DARS2: variants seen among roughly 807,000 people sequenced by gnomAD.
The protein encoded by DARS2 is aspartate--tRNA ligase, mitochondrial.
A neutral mutation model predicts 83.0 loss-of-function variants in DARS2; 63 were observed. The ratio of observed to expected loss-of-function variants is 0.76; its 90% CI spans 0.62 to 0.94. The LOEUF (loss-of-function observed/expected upper bound fraction) is 0.94, where lower values mean the gene tolerates loss of function less well. DARS2 is among the 40% of genes least tolerant of loss of function. The pLI, the probability that DARS2 is intolerant of heterozygous loss-of-function variation, is 0.00. For synonymous variants in DARS2, 250 were observed against 269.3 expected, an observed-to-expected ratio of 0.93 and a Z score of 0.70; for missense variants, 675 against 774.4, an observed-to-expected ratio of 0.87 and a Z score of 1.52.
intron 11 of DARS2, among the ~76,000 whole-genome samples, chr1:173,841,597 A>G (rs1417893414): frequency 6.6e-6 from 1 of 151,556 alleles, no homozygotes; most frequent in Non-Finnish European, 1.5e-5. Flanking sequence ...AGAATTGCTT[A>G]AGCTCAGGAG....
chr1:173,838,061 C>G, intron 8 of DARS2, 129 bp from the exon 9 acceptor site: 1 of 765,850 alleles, frequency 1.3e-6, no homozygotes, highest in Non-Finnish European at 2.2e-6. Flanking sequence ...GTATGAGCCG[C>G]CATGCCCGGC....
At chr1:173,854,474 T>C (rs1241824285) in intron 15 of DARS2, among the ~76,000 whole-genome samples, 1 of 152,226 alleles carries the variant, frequency 6.6e-6, no homozygotes, top group East Asian at 1.9e-4. Context: ...TACTAATTAA[T>C]AGTGCATATT....
intron 11 of DARS2, among the ~76,000 whole-genome samples, chr1:173,841,715 C>T (rs1447259263): frequency 2.0e-5 from 3 of 152,162 alleles, no homozygotes; most frequent in African/African-American, 7.2e-5. Context: ...CCAAGGATCA[C>T]TTGAGGCAAA....
In DARS2 at chr1:173,833,382, G is replaced by A; in HGVS notation, c.499G>A (p.Glu167Lys). 1 of 1,601,752 alleles carries A rather than the reference G, an allele frequency of 6.2e-7. No homozygotes were observed. The highest frequency in any genetic ancestry group is 8.5e-7 in the Non-Finnish European group (1 of 1,174,114). Reference protein sequence around the residue: ...FEIKNFVKKTEALRLQYRYLD... With the variant: ...FEIKNFVKKTKALRLQYRYLD... Reference sequence around the variant, plus strand: ...AATCTTTCAATTTCTTTAGAAAACAGAGGCTCTTCGGTTGCAGTATCGCTA... The same window carrying A: ...AATCTTTCAATTTCTTTAGAAAACAAAGGCTCTTCGGTTGCAGTATCGCTA... The change falls in exon 6 of 17, where the codon GAG becomes AAG. Residue 167 changes from glutamate to lysine, a missense_variant. Transcript: ENST00000649689.
chr1:173,852,048 T>C (rs1653690120), intron 13 of DARS2: 2 of 985,428 alleles, frequency 2.0e-6, no homozygotes, highest in Non-Finnish European at 2.4e-6. Context: ...CAGGAAGTTA[T>C]AGGTCTGATT....
intron 1 of DARS2, 23 bp downstream of exon 1, chr1:173,825,379 T>A: frequency 6.2e-7 from 1 of 1,609,634 alleles, no homozygotes. Flanking sequence ...AAGAGATCTA[T>A]CCTATGAACA....
Position 173,838,241 on chromosome 1 carries a change from A to C in DARS2, c.822A>C (p.Arg274Ser), listed in dbSNP as rs755724812. ...CYRDEGSRPDRQPEFTQIDIE... is the reference protein window; with the variant it reads ...CYRDEGSRPDSQPEFTQIDIE... ...GAGATGAAGGTTCAAGACCAGACAG[A>C]CAGCCTGAGTTTACTCAGGTACAAA... is the stretch of plus-strand genomic sequence containing the variant. Residue 274 changes from arginine to serine, a missense_variant, in exon 9 of 17, where the codon AGA becomes AGC. Arg to Ser is a moderately radical substitution (Grantham distance 110). Transcript: ENST00000649689. 2 of 1,613,712 alleles carry C rather than the reference A, an allele frequency of 1.2e-6. No individual in the cohort carries two copies. The highest frequency in any genetic ancestry group is 1.1e-5 in the South Asian group (1 of 91,074).
chr1:173,845,365 A>G lies in DARS2; in HGVS notation c.1191+74A>G, dbSNP rs532260945. ...TTTAACTATTATTAACTAAACTATC[A>G]TTATCATTAGTTTTGAGCATCTTGT... On this transcript the variant is annotated intron_variant, in intron 12 of 16. Coordinates refer to ENST00000649689, the MANE Select transcript of DARS2 (RefSeq NM_018122.5). 85 of 927,452 alleles carry G rather than the reference A, an allele frequency of 9.2e-5. No individual in the cohort carries two copies. The African/African-American group carries it at 1.3e-3, about 15-fold the overall frequency. 57.5% of individuals were successfully genotyped at this position (927,452 alleles called of 1,614,324 possible).
intron 11 of DARS2, 78 bp downstream of exon 11, chr1:173,841,051 C>A: frequency 2.2e-6 from 2 of 919,456 alleles, no homozygotes; most frequent in Non-Finnish European, 3.6e-6. Flanking sequence ...CATATTTAAA[C>A]TTCAGAAAGA....
chr1:173,828,997 T>C (rs1652693807), intron 3 of DARS2, among the ~76,000 whole-genome samples: 2 of 151,936 alleles, frequency 1.3e-5, no homozygotes, highest in Non-Finnish European at 2.9e-5. Context: ...TAAAAAATAA[T>C]GTATATTCTT....
At chr1:173,834,348 A>T in intron 6 of DARS2, 125 bp from the exon 7 acceptor site, 1 of 734,230 alleles carries the variant, frequency 1.4e-6, no homozygotes, top group Non-Finnish European at 2.4e-6. Context: ...TAGGCTTGGT[A>T]GCTTATTTCA....
At chr1:173,836,435 C>T (rs756544681) in intron 7 of DARS2, among the ~76,000 whole-genome samples, 8 of 149,238 alleles carry the variant, frequency 5.4e-5, no homozygotes, top group African/African-American at 2.0e-4. Context: ...CCCAGCTACT[C>T]GGGAGGCTGA....
intron 2 of DARS2, among the ~76,000 whole-genome samples, chr1:173,826,996 C>T (rs947125201): frequency 6.6e-6 from 1 of 152,200 alleles, no homozygotes; most frequent in African/African-American, 2.4e-5. Flanking sequence ...ATGTCATTCT[C>T]AGTAGGTACA....
At position 173,831,533 on chromosome 1, in the gene DARS2, A is replaced by G. The variant is rs1229799153; in HGVS notation, c.397-2A>G. On this transcript the variant is annotated splice_acceptor_variant, in intron 4 of 16. Transcript: ENST00000649689. LOFTEE classifies it high-confidence loss of function. ...TAAAACCCTTCCTTCTCACTCTCCA[A>G]GAAAATGCCAACAGGTGAGATTGAA... The G allele has an allele frequency of 6.2e-6, 10 of 1,612,150 alleles. No homozygotes were observed. Among genetic ancestry groups the G allele is most frequent in the South Asian group, 3.3e-5 (3 of 91,048 alleles).
At chr1:173,836,395 C>T (rs370855948) in intron 7 of DARS2, among the ~76,000 whole-genome samples, 30 of 150,992 alleles carry the variant, frequency 2.0e-4, no homozygotes, top group African/African-American at 6.1e-4. Flanking sequence ...CAAAAATTAG[C>T]GGGGCATGGT....
At chr1:173,826,537 A>T in intron 1 of DARS2, 150 bp from the exon 2 acceptor site, 2 of 627,482 alleles carry the variant, frequency 3.2e-6, no homozygotes, top group Non-Finnish European at 5.5e-6. Flanking sequence ...GAATTAAATT[A>T]CATACTCTGA....
At chr1:173,835,024 C>T (rs996520075) in intron 7 of DARS2, among the ~76,000 whole-genome samples, 7 of 151,786 alleles carry the variant, frequency 4.6e-5, no homozygotes, top group South Asian at 2.1e-4. Context: ...TGAAATGATC[C>T]GCACACCTTG....
chr1:173,849,071 T>C (rs1653546355), intron 12 of DARS2, among the ~76,000 whole-genome samples: 1 of 152,022 alleles, frequency 6.6e-6, no homozygotes, highest in African/African-American at 2.4e-5. Flanking sequence ...AAATATATTT[T>C]TGAGTACCTT....
intron 7 of DARS2, among the ~76,000 whole-genome samples, chr1:173,835,276 G>T (rs1652960664): frequency 6.6e-6 from 1 of 151,208 alleles, no homozygotes; most frequent in Admixed American, 6.6e-5. Context: ...TTTTTTAGTA[G>T]AGACGGGGTT....
Sources: gnomAD v4.1 joint callset for allele counts (sites outside exome capture counted in the v4.1 genomes callset) on GRCh38, gnomAD v4.1.1 for gene constraint, MANE v1.5 for transcripts, NCBI Gene and HGNC (gene_info 2026-07-23, HGNC 2026-07-21) for gene names.